ZNF385D: variants seen among roughly 807,000 people sequenced by gnomAD.
The protein encoded by ZNF385D is zinc finger protein 659.
A neutral mutation model predicts 35.8 loss-of-function variants in ZNF385D; 15 were observed. The ratio of observed to expected loss-of-function variants is 0.42; its 90% CI spans 0.28 to 0.64. The LOEUF (loss-of-function observed/expected upper bound fraction) is 0.64, where lower values mean the gene tolerates loss of function less well. Among genes scored for constraint, ZNF385D ranks in the 30% least tolerant of loss-of-function variants. The pLI is 0.23. For synonymous variants in ZNF385D, 212 were observed against 186.8 expected (o/e 1.13, Z -1.10); for missense variants, 474 against 494.6 (o/e 0.96, Z 0.39).
chr3:21,529,699 C>T (rs1036994413), intron 3 of ZNF385D, among the ~76,000 whole-genome samples: 1 of 152,142 alleles, frequency 6.6e-6, no homozygotes, highest in African/African-American at 2.4e-5. Flanking sequence ...TAGAATATCA[C>T]AAACCACAGG....
intron 2 of ZNF385D, among the ~76,000 whole-genome samples, chr3:22,272,899 C>T (rs1299132448): frequency 2.6e-5 from 4 of 151,794 alleles, no homozygotes; most frequent in East Asian, 1.9e-4. Flanking sequence ...TGGGTTACCT[C>T]GGGGGCCAAC....
At chr3:22,143,710 A>C (rs1326387978) in intron 3 of ZNF385D, among the ~76,000 whole-genome samples, 1 of 152,156 alleles carries the variant, frequency 6.6e-6, no homozygotes, top group African/African-American at 2.4e-5. Context: ...AATTCCTCCA[A>C]AATTTTTACT....
In ZNF385D at chr3:21,884,791, A is replaced by G. The variant is rs1049287951; in HGVS notation, c.326-219763T>C. Among the ~76,000 whole-genome samples the G allele has an allele frequency of 4.6e-4, 70 of 152,162 alleles. 1 individual carries two copies. Among genetic ancestry groups the G allele is most frequent in the African/African-American group, 1.7e-3 (69 of 41,554 alleles). ...ATACAGGGAGATTGAAATTGACCATATGGCAATATTTACACGGTGGAAATT... is the reference window on the plus strand; with the variant it reads ...ATACAGGGAGATTGAAATTGACCATGTGGCAATATTTACACGGTGGAAATT... On this transcript the variant is annotated intron_variant, in intron 3 of 5. Transcript: ENST00000494108.
chr3:21,624,781 A>G (rs1330146415), intron 2 of ZNF385D, among the ~76,000 whole-genome samples: 2 of 152,052 alleles, frequency 1.3e-5, no homozygotes, highest in Non-Finnish European at 2.9e-5. Flanking sequence ...AGGTGAGGAA[A>G]CATCTTATTT....
At chr3:22,336,678 C>G (rs559455689) in intron 2 of ZNF385D, among the ~76,000 whole-genome samples, 1 of 151,856 alleles carries the variant, frequency 6.6e-6, no homozygotes, top group Admixed American at 6.6e-5. Context: ...ACCAGACTTG[C>G]TTCTGTATCA....
At chr3:22,129,715 T>C (rs1053548908) in intron 3 of ZNF385D, among the ~76,000 whole-genome samples, 1 of 151,936 alleles carries the variant, frequency 6.6e-6, no homozygotes, top group African/African-American at 2.4e-5. Context: ...AGTCTGTTTT[T>C]TCAGGGTAAC....
intron 1 of ZNF385D, among the ~76,000 whole-genome samples, chr3:21,722,938 T>G (rs1228358451): frequency 1.3e-5 from 2 of 152,184 alleles, no homozygotes; most frequent in African/African-American, 4.8e-5. Context: ...TGTCCTCAAT[T>G]AGTTCCCTGG....
intron 2 of ZNF385D, among the ~76,000 whole-genome samples, chr3:22,199,565 T>TA (rs1359985739): frequency 6.6e-6 from 1 of 152,070 alleles, no homozygotes; most frequent in Non-Finnish European, 1.5e-5. Context: ...TAATGTACAC[T>TA]ACAGAAGGGA....
chr3:21,924,372 C>T (rs979301690), intron 3 of ZNF385D, among the ~76,000 whole-genome samples: 2 of 152,084 alleles, frequency 1.3e-5, no homozygotes, highest in African/African-American at 4.8e-5. Context: ...AAGCCAGCTC[C>T]CAAAGACATC....
At chr3:21,557,938 A>T (rs1038234530) in intron 3 of ZNF385D, among the ~76,000 whole-genome samples, 1 of 152,014 alleles carries the variant, frequency 6.6e-6, no homozygotes, top group Non-Finnish European at 1.5e-5. Context: ...GTTTATTTGC[A>T]TAGAGGTGTT....
At chr3:22,357,148 G>A (rs994730737) in intron 2 of ZNF385D, among the ~76,000 whole-genome samples, 7 of 151,930 alleles carry the variant, frequency 4.6e-5, no homozygotes, top group African/African-American at 1.2e-4. Flanking sequence ...TGAAGCTTTC[G>A]GATGGGAAGA....
Position 21,418,393 on chromosome 3 carries a change from G to C in ZNF385D, c.*2821C>G, listed in dbSNP as rs899627025. ...TATTGGTAAATATATGGAGTGTGGGGGAAACAACTCACAGAGAATCCACTG... is the reference window on the plus strand; with the variant it reads ...TATTGGTAAATATATGGAGTGTGGGCGAAACAACTCACAGAGAATCCACTG... On this transcript the variant is annotated 3_prime_UTR_variant, in exon 8 of 8. Transcript: ENST00000281523. The C allele has an allele frequency of 2.0e-5, 3 of 152,106 alleles. 1 individual carries two copies. In the East Asian group the frequency reaches 5.8e-4, roughly 29 times the overall value. 9.4% of individuals were successfully genotyped at this position (152,106 alleles called of 1,614,324 possible). A position where few individuals can be genotyped will look rare whatever the true frequency, so the allele number is the denominator to read the frequency against.
intron 3 of ZNF385D, among the ~76,000 whole-genome samples, chr3:21,993,160 G>GA (rs1327667023): frequency 6.6e-6 from 1 of 152,100 alleles, no homozygotes; most frequent in Non-Finnish European, 1.5e-5. Context: ...ATCAGCTATG[G>GA]AAAACAAAGC....
At chr3:22,104,586 A>C (rs1702111203) in intron 3 of ZNF385D, among the ~76,000 whole-genome samples, 1 of 151,952 alleles carries the variant, frequency 6.6e-6, no homozygotes, top group Admixed American at 6.6e-5. Context: ...TCAATTCTTC[A>C]TTTTTTAGAA....
In ZNF385D at chr3:21,793,613, G is replaced by C. The variant is rs546846035; in HGVS notation, c.326-128585C>G. On this transcript the variant is annotated intron_variant, in intron 3 of 5. Coordinates refer to the ZNF385D transcript ENST00000494108. Reference sequence around the variant, plus strand: ...GCTGATCTTCAGGTAAAAAAACTGAGGCCTGCAGAGCCTACAGGACATGCT... The same window carrying C: ...GCTGATCTTCAGGTAAAAAAACTGACGCCTGCAGAGCCTACAGGACATGCT... 3.9e-5 allele frequency among the ~76,000 whole-genome samples: 6 copies of C among 152,316 alleles called. No individual in the cohort carries two copies. In the South Asian group the frequency reaches 1.2e-3, roughly 32 times the overall value.
chr3:21,491,749 G>A (rs571145040), intron 4 of ZNF385D, among the ~76,000 whole-genome samples: 2 of 152,254 alleles, frequency 1.3e-5, no homozygotes, highest in African/African-American at 2.4e-5. Flanking sequence ...TATGACAGAG[G>A]CTAAAATACT....
chr3:21,947,920 T>C (rs1392601213), intron 3 of ZNF385D, among the ~76,000 whole-genome samples: 1 of 152,184 alleles, frequency 6.6e-6, no homozygotes, highest in Non-Finnish European at 1.5e-5. Flanking sequence ...TTATATGAAG[T>C]AGAGAGCAAG....
At chr3:22,039,738 A>G (rs912838749) in intron 3 of ZNF385D, among the ~76,000 whole-genome samples, 4 of 152,174 alleles carry the variant, frequency 2.6e-5, no homozygotes, top group African/African-American at 9.7e-5. Context: ...TTATAACTAA[A>G]TAACTATTGC....
rs1476315282 is a variant in ZNF385D, at chr3:21,420,176, C to T, written c.*1038G>A. On this transcript the variant is annotated 3_prime_UTR_variant, in exon 8 of 8. Coordinates refer to ENST00000281523, the MANE Select transcript of ZNF385D (RefSeq NM_024697.3). ...CTACCATCATACTTAAAGCAGAAAC[C>T]TTTGCCTAAGAAACAACCCTACTGG... The T allele has an allele frequency of 2.6e-5, 4 of 152,084 alleles. No individual in the cohort carries two copies. Among genetic ancestry groups the T allele is most frequent in the Non-Finnish European group, 5.9e-5 (4 of 68,004 alleles). 9.4% of individuals were successfully genotyped at this position (152,084 alleles called of 1,614,324 possible).
Sources: gnomAD v4.1 joint callset for allele counts (sites outside exome capture counted in the v4.1 genomes callset) on GRCh38, gnomAD v4.1.1 for gene constraint, MANE v1.5 for transcripts, NCBI Gene and HGNC (gene_info 2026-07-23, HGNC 2026-07-21) for gene names.